The following RGS4 variants were observed in gnomAD, a reference collection of about 807,000 sequenced individuals.
RGS4 encodes schizophrenia disorder 9.
In RGS4, 15 loss-of-function variants were observed where a neutral mutation model predicts 21.6. The observed-to-expected ratio is 0.69, with a 90% CI of 0.46 to 1.07. The LOEUF (loss-of-function observed/expected upper bound fraction) is 1.07. Ranked by LOEUF, RGS4 falls within the 50% of genes least tolerant of loss-of-function variation. The pLI is 0.00. For missense variants in RGS4, 237 were observed against 239.0 expected (o/e 0.99, Z 0.06); for synonymous variants, 94 against 85.5 (o/e 1.10, Z -0.55).
intron 4 of RGS4, 47 bp downstream of exon 4, chr1:163,073,669 T>C (rs1330522787): frequency 3.0e-6 from 4 of 1,332,390 alleles, no homozygotes; most frequent in East Asian, 4.9e-5. Context: ...TTATGGAGTA[T>C]GTGTGATATT....
At chr1:163,068,901 C>T, upstream of RGS4, 2 of 1,447,678 alleles carry the variant, frequency 1.4e-6, no homozygotes, top group Non-Finnish European at 1.9e-6. Context: ...CTGCCAGCTC[C>T]CTTTTGGAAA....
intron 1 of RGS4, 44 bp downstream of exon 1, chr1:163,069,572 G>T (rs1314283658): frequency 1.3e-6 from 2 of 1,502,600 alleles, no homozygotes; most frequent in South Asian, 1.2e-5. Flanking sequence ...CTTTTGGCTA[G>T]ACTTTCTCAG....
At position 163,072,826 on chromosome 1, in the gene RGS4, G is replaced by T. The variant is rs1267309294; in HGVS notation, c.171G>T (p.Lys57Asn). 2 of 1,612,992 alleles carry T rather than the reference G, an allele frequency of 1.2e-6. No individual in the cohort carries two copies. Among genetic ancestry groups the T allele is most frequent in the African/African-American group, 1.3e-5 (1 of 74,834 alleles). Residue 57 changes from lysine (K) to asparagine (N), a missense_variant, in exon 3 of 5, where the codon AAG (lysine) becomes AAT (asparagine). Transcript: ENST00000367909. ...ICQRVSQEEV[K>N]KWAESLENLI... ...CTAGAGTGAGCCAAGAGGAAGTCAA[G>T]AAATGGGCTGAATCACTGGAAAACC...
At chr1:163,072,899 C>G (rs1382270422) in intron 3 of RGS4, 33 bp downstream of exon 3, 2 of 1,566,384 alleles carry the variant, frequency 1.3e-6, no homozygotes, top group African/African-American at 2.7e-5. Context: ...ATGAGGTACT[C>G]TGGATAAGAC....
At chr1:163,073,756 T>C (rs1484247241) in intron 4 of RGS4, 134 bp downstream of exon 4, 3 of 599,990 alleles carry the variant, frequency 5.0e-6, no homozygotes, top group Non-Finnish European at 8.5e-6. Context: ...TTATTATTTC[T>C]ACGTGTTGAG....
intron 1 of RGS4, among the ~76,000 whole-genome samples, chr1:163,070,187 A>T (rs547921613): frequency 1.3e-5 from 2 of 152,290 alleles, no homozygotes; most frequent in South Asian, 4.1e-4. Flanking sequence ...CTCATCTTAA[A>T]GACATTGTTT....
Position 163,075,261 on chromosome 1 carries a change from G to A in RGS4, c.*701G>A, listed in dbSNP as rs1358750694. On this transcript the variant is annotated 3_prime_UTR_variant, in exon 5 of 5. Coordinates refer to ENST00000367909, the MANE Select transcript of RGS4 (RefSeq NM_005613.6). ...GGCAAAATGAACTAACTGCCATGTA[G>A]GCTAAGAAAGAAATGCTAACCTGTG... 6.5e-6 allele frequency: 1 copy of A among 152,734 alleles called. No homozygotes were observed. Among genetic ancestry groups the A allele is most frequent in the Non-Finnish European group, 1.5e-5 (1 of 68,502 alleles). 9.5% of individuals were successfully genotyped at this position (152,734 alleles called of 1,614,324 possible). A position where few individuals can be genotyped will look rare whatever the true frequency, so the allele number is the denominator to read the frequency against.
At chr1:163,072,728 T>G in intron 2 of RGS4, 77 bp from the exon 3 acceptor site, 1 of 1,288,040 alleles carries the variant, frequency 7.8e-7, no homozygotes, top group Non-Finnish European at 1.1e-6. Context: ...TTTGCCTTCA[T>G]TCAGGATCTT....
chr1:163,072,355 T>G, intron 1 of RGS4, 40 bp from the exon 2 acceptor site: 1 of 1,430,524 alleles, frequency 7.0e-7, no homozygotes, highest in Non-Finnish European at 9.8e-7. Context: ...TAAAGAAAGC[T>G]GGTTATTACT....
chr1:163,069,213 T>C (rs775731096), upstream of RGS4: 2 of 1,531,838 alleles, frequency 1.3e-6, no homozygotes, highest in South Asian at 2.5e-5. Flanking sequence ...TCACTTAACA[T>C]TGCTGATGCG....
upstream of RGS4, chr1:163,069,262 G>T: frequency 1.9e-6 from 3 of 1,550,636 alleles, no homozygotes; most frequent in Non-Finnish European, 2.6e-6. Flanking sequence ...GGGCTGGAGA[G>T]GCAGAGGGAG....
Position 163,074,901 on chromosome 1 carries a change from G to T in RGS4, c.*341G>T. The stretch of plus-strand genomic sequence containing the variant: ...TTTTACCTCGGGATGGTTGGTTAGT[G>T]CATGTCACATGACATCCACATGCAC... On this transcript the variant is annotated 3_prime_UTR_variant, in exon 5 of 5. Coordinates refer to ENST00000367909, the MANE Select transcript of RGS4 (RefSeq NM_005613.6). 3.4e-6 allele frequency: 2 copies of T among 585,336 alleles called. No individual in the cohort carries two copies. Among genetic ancestry groups the T allele is most frequent in the South Asian group, 4.2e-5 (2 of 48,102 alleles). The allele number at this position is 585,336 out of a possible 1,614,324, so 36.3% of individuals were successfully genotyped here.
In RGS4 at chr1:163,072,402, G is replaced by T. The variant is rs1416114866; in HGVS notation, c.52G>T (p.Asp18Tyr). The T allele has an allele frequency of 1.2e-6, 2 of 1,611,668 alleles. No homozygotes were observed. Among genetic ancestry groups the T allele is most frequent in the African/African-American group, 1.3e-5 (1 of 74,836 alleles). ...TTTTTCTCTTCTGTGCAGTGCAAAA[G>T]ATATGAAACATCGGCTAGGTTTCCT... Reference protein sequence around the residue: ...LPASCLRSAKDMKHRLGFLLQ... With the variant: ...LPASCLRSAKYMKHRLGFLLQ... The change falls in exon 2 of 5, where the codon GAT becomes TAT. Residue 18 changes from aspartate to tyrosine, a missense_variant. Asp to Tyr is a radical substitution (Grantham distance 160). Transcript: ENST00000367909.
chr1:163,073,831 C>G (rs1403221328), intron 4 of RGS4: 2 of 488,166 alleles, frequency 4.1e-6, no homozygotes, highest in East Asian at 6.8e-5. Flanking sequence ...AACTATATCA[C>G]CCTAATGTGC....
rs754187105 is a variant in RGS4, at chr1:163,072,413, T to C, written c.63T>C (p.His21=). ...SCLRSAKDMK[H]RLGFLLQKSD... ...TGTGCAGTGCAAAAGATATGAAACA[T>C]CGGCTAGGTTTCCTGCTGCAAAAAT... Residue 21 remains histidine (H), a synonymous_variant, in exon 2 of 5, where the codon CAT becomes CAC. Transcript: ENST00000367909. 72 of 1,612,710 alleles carry C rather than the reference T, an allele frequency of 4.5e-5. No homozygotes were observed. The highest frequency in any genetic ancestry group is 5.9e-5 in the Non-Finnish European group (69 of 1,179,234).
In RGS4 at chr1:163,074,356, C is replaced by A; in HGVS notation, c.414C>A (p.Ser138Arg). The A allele has an allele frequency of 6.2e-7, 1 of 1,613,846 alleles. No homozygotes were observed. Among genetic ancestry groups the A allele is most frequent in the Non-Finnish European group, 8.5e-7 (1 of 1,179,814 alleles). The change falls in exon 5 of 5, where the codon AGC (serine) becomes AGA (arginine). Residue 138 changes from serine to arginine, a missense_variant. Transcript: ENST00000367909. ...NLDSCTREET[S>R]RNMLEPTITC... Reference sequence around the variant, plus strand: ...ATTCTTGCACCAGGGAAGAGACAAGCCGGAACATGCTAGAGCCTACAATAA... The same window carrying A: ...ATTCTTGCACCAGGGAAGAGACAAGACGGAACATGCTAGAGCCTACAATAA...
intron 1 of RGS4, among the ~76,000 whole-genome samples, 163 bp downstream of exon 1, chr1:163,069,691 T>C (rs577442739): frequency 2.0e-5 from 3 of 152,302 alleles, no homozygotes; most frequent in African/African-American, 7.2e-5. Flanking sequence ...TATTGTGACT[T>C]AAGACATGTG....
Position 163,069,384 on chromosome 1 carries a change from A to T in RGS4, c.-101A>T, listed in dbSNP as rs769737268. On this transcript the variant is annotated 5_prime_UTR_variant, in exon 1 of 5. Transcript: ENST00000367909. The stretch of plus-strand genomic sequence containing the variant: ...GGAAGACGCTCAGAGGATTCTGACA[A>T]TATCTTTACCGGAGAAGAGGCAAAG... The T allele has an allele frequency of 6.3e-7, 1 of 1,585,074 alleles. No homozygotes were observed. The highest frequency in any genetic ancestry group is 8.6e-7 in the Non-Finnish European group (1 of 1,164,102).
rs1465126633 is a variant in RGS4 at position 163,069,471 on chromosome 1, A to G, written c.-14A>G. 8 of 1,613,386 alleles carry G rather than the reference A, an allele frequency of 5.0e-6. No individual in the cohort carries two copies. The East Asian group carries it at 1.8e-4, about 36-fold the overall frequency. ...ATTTCTTTCCTGCTTGCGAATTCCA[A>G]GCTGTTAAATAAGATGTGCAAAGGG... On this transcript the variant is annotated 5_prime_UTR_variant, in exon 1 of 5. Coordinates refer to ENST00000367909, the MANE Select transcript of RGS4 (RefSeq NM_005613.6).
Sources: allele counts gnomAD v4.1 joint callset (sites outside exome capture counted in the v4.1 genomes callset), GRCh38; gene constraint gnomAD v4.1.1; transcripts MANE v1.5; gene names NCBI Gene and HGNC (gene_info 2026-07-23, HGNC 2026-07-21).